The following AK9 variants were observed in gnomAD, a reference collection of about 807,000 sequenced individuals.
AK9 encodes adenylate kinase 9.
In AK9, 191 loss-of-function variants were observed where a neutral mutation model predicts 239.6. The ratio of observed to expected loss-of-function variants is 0.80; its 90% CI spans 0.71 to 0.90. The LOEUF is 0.90. Among genes scored for constraint, AK9 ranks in the 40% least tolerant of loss-of-function variants. AK9 has a pLI of 0.00. For synonymous variants in AK9, 689 were observed against 721.0 expected, an observed-to-expected ratio of 0.96 and a Z score of 0.71; for missense variants, 1,995 against 2,214.7, an observed-to-expected ratio of 0.90 and a Z score of 1.99.
intron 25 of AK9, 100 bp from the exon 26 acceptor site, chr6:109,546,227 C>T: frequency 9.1e-7 from 1 of 1,094,754 alleles, no homozygotes; most frequent in Non-Finnish European, 1.3e-6. Flanking sequence ...TAACTGCCCT[C>T]CCTAAGATGG....
chr6:109,573,825 G>A (rs1787728177), intron 20 of AK9, among the ~76,000 whole-genome samples: 1 of 152,130 alleles, frequency 6.6e-6, no homozygotes, highest in East Asian at 1.9e-4. Context: ...CAGACTAGGG[G>A]TTCATTCAAA....
intron 17 of AK9, among the ~76,000 whole-genome samples, chr6:109,607,144 G>GAAAATAA (rs1204812418): frequency 6.6e-6 from 1 of 151,870 alleles, no homozygotes; most frequent in Non-Finnish European, 1.5e-5. Flanking sequence ...GCAACAATTA[G>GAAAATAA]AAAATAAAAT....
chr6:109,621,963 A>C (rs891070078), intron 12 of AK9, among the ~76,000 whole-genome samples: 3 of 147,920 alleles, frequency 2.0e-5, no homozygotes, highest in Non-Finnish European at 4.5e-5. Context: ...CAAAAAAAAA[A>C]ACAAAAAAAA....
chr6:109,569,004 G>T (rs1786994063), intron 21 of AK9, among the ~76,000 whole-genome samples: 1 of 152,124 alleles, frequency 6.6e-6, no homozygotes. Flanking sequence ...AAAGTGGGAG[G>T]CATCATCCTA....
chr6:109,675,577 T>C (rs1771592818), intron 2 of AK9, 52 bp downstream of exon 2: 9 of 1,148,860 alleles, frequency 7.8e-6, no homozygotes, highest in South Asian at 3.8e-5. Flanking sequence ...ACTTAGAAAA[T>C]TGTGATTTTA....
intron 35 of AK9, among the ~76,000 whole-genome samples, chr6:109,501,372 G>A (rs1415981235): frequency 6.6e-6 from 1 of 152,130 alleles, no homozygotes; most frequent in Admixed American, 6.6e-5. Flanking sequence ...AAGGCCACAT[G>A]TAATCCTGAA....
At position 109,641,518 on chromosome 6, in the gene AK9, A is replaced by G; in HGVS notation, c.933T>C (p.Asn311=). Reference sequence around the variant, plus strand: ...TTTCAGACAGTTCCATATAACTTACATTTTCCATTGTGTCATTAATTTCTT... The same window carrying G: ...TTTCAGACAGTTCCATATAACTTACGTTTTCCATTGTGTCATTAATTTCTT... ...AEEEINDTME[N]DELFRTLASY... Residue 311 remains asparagine, a splice_region_variant and synonymous_variant, in exon 10 of 41, where the codon AAT becomes AAC. Transcript: ENST00000424296. 1 of 1,609,376 alleles carries G rather than the reference A, an allele frequency of 6.2e-7. No individual in the cohort carries two copies. The highest frequency in any genetic ancestry group is 8.5e-7 in the Non-Finnish European group (1 of 1,176,266).
At chr6:109,688,129 T>C (rs1773784625) in intron 1 of AK9, among the ~76,000 whole-genome samples, 1 of 152,210 alleles carries the variant, frequency 6.6e-6, no homozygotes. Flanking sequence ...TACCTGTTCA[T>C]GGCAGAGACC....
intron 38 of AK9, 99 bp downstream of exon 38, chr6:109,497,360 ACACTCT>A (rs869169659): frequency 1.2e-4 from 66 of 557,662 alleles, no homozygotes; most frequent in Non-Finnish European, 1.9e-4. Context: ...ACACACACAC[ACACTCT>A]CTCTCTCTCT....
At chr6:109,512,263 G>A (rs983476132) in intron 32 of AK9, among the ~76,000 whole-genome samples, 4 of 152,166 alleles carry the variant, frequency 2.6e-5, no homozygotes, top group South Asian at 2.1e-4. Context: ...TACAAATGCC[G>A]TGGCAACATC....
At chr6:109,648,304 T>C (rs1399428277) in intron 8 of AK9, among the ~76,000 whole-genome samples, 2 of 152,106 alleles carry the variant, frequency 1.3e-5, no homozygotes, top group Non-Finnish European at 2.9e-5. Flanking sequence ...ATCCAGGAGC[T>C]AGTTTTTTGA....
intron 17 of AK9, among the ~76,000 whole-genome samples, chr6:109,593,346 G>A (rs1298798757): frequency 6.6e-6 from 1 of 151,978 alleles, no homozygotes; most frequent in Non-Finnish European, 1.5e-5. Context: ...AGACAATAAT[G>A]AGTTCTGAAA....
At chr6:109,538,370 T>G (rs12209502) in intron 27 of AK9, among the ~76,000 whole-genome samples, 31,564 of 152,108 alleles carry the variant, frequency 0.21, 3,459 homozygotes, top group South Asian at 0.33. Flanking sequence ...TGGCCTTCTT[T>G]GACTCTTTTG....
rs543860352 is a variant in AK9, at chr6:109,658,173, T to A, written c.630+1055A>T. Among the ~76,000 whole-genome samples the A allele has an allele frequency of 2.6e-5, 4 of 152,302 alleles. No individual in the cohort carries two copies. In the East Asian group the frequency reaches 7.7e-4, roughly 29 times the overall value. On this transcript the variant is annotated intron_variant, in intron 7 of 40. Transcript: ENST00000424296. ...TGGCTAATATTTTCCCTTAGAATAG[T>A]TCCTACAAGTAGAATTACTGGACCA... is the stretch of plus-strand genomic sequence containing the variant.
At chr6:109,608,438 G>A (rs1793184453) in intron 17 of AK9, among the ~76,000 whole-genome samples, 1 of 151,864 alleles carries the variant, frequency 6.6e-6, no homozygotes, top group African/African-American at 2.4e-5. Context: ...TTCAATAAGT[G>A]GTGTTAGAGC....
chr6:109,682,052 T>C (rs1282868852), intron 1 of AK9, among the ~76,000 whole-genome samples: 1 of 151,900 alleles, frequency 6.6e-6, no homozygotes, highest in Non-Finnish European at 1.5e-5. Flanking sequence ...AGTAAACAAA[T>C]TAAAAATCTA....
intron 8 of AK9, among the ~76,000 whole-genome samples, chr6:109,648,497 T>TA (rs1255826743): frequency 6.6e-6 from 1 of 151,896 alleles, no homozygotes; most frequent in East Asian, 1.9e-4. Context: ...CTAGAAGAAA[T>TA]AGATAAATTC....
chr6:109,685,237 C>A (rs888680824), intron 1 of AK9, among the ~76,000 whole-genome samples: 4 of 151,962 alleles, frequency 2.6e-5, no homozygotes, highest in African/African-American at 4.8e-5. Context: ...GGGTATATAC[C>A]CAAAGGATTA....
intron 9 of AK9, among the ~76,000 whole-genome samples, chr6:109,642,285 C>G (rs890931146): frequency 6.6e-6 from 1 of 152,168 alleles, no homozygotes; most frequent in South Asian, 2.1e-4. Context: ...TTTGTGCAGA[C>G]ACTACATGGA....
Sources: gnomAD v4.1 joint callset for allele counts (sites outside exome capture counted in the v4.1 genomes callset) on GRCh38, gnomAD v4.1.1 for gene constraint, MANE v1.5 for transcripts, NCBI Gene and HGNC (gene_info 2026-07-23, HGNC 2026-07-21) for gene names.